The following RYR2 variants were observed in gnomAD, a reference collection of about 807,000 sequenced individuals.
RYR2 encodes cardiac muscle ryanodine receptor-calcium release channel.
RYR2 carries 227 observed loss-of-function variants against 601.1 expected under a neutral mutation model. The ratio of observed to expected loss-of-function variants is 0.38; its 90% confidence interval spans 0.34 to 0.42. The LOEUF is 0.42. Among genes scored for constraint, RYR2 ranks in the 10% least tolerant of loss-of-function variants. The pLI, the probability that RYR2 is intolerant of heterozygous loss-of-function variation, is 1.00. For missense variants in RYR2, 4,646 were observed against 6,156.5 expected, an observed-to-expected ratio of 0.75 and a Z score of 8.21; for synonymous variants, 2,223 against 2,175.1, an observed-to-expected ratio of 1.02 and a Z score of -0.61.
rs746033209 is a variant in RYR2 at position 237,208,960 on chromosome 1, A to G, written c.49-61537A>G. 3.3e-3 allele frequency among the ~76,000 whole-genome samples: 335 copies of G among 103,006 alleles called. 9 individuals are homozygous for G. The highest frequency in any genetic ancestry group is 4.5e-3 in the Middle Eastern group (1 of 220). 67.6% of individuals were successfully genotyped at this position (103,006 alleles called of 152,430 possible). A position where few individuals can be genotyped will look rare whatever the true frequency, so the allele number is the denominator to read the frequency against. ...TGTATATATATATATATATATATAT[A>G]TATATATATATATATATATATATAT... On this transcript the variant is annotated intron_variant, in intron 1 of 104. Coordinates refer to ENST00000366574, the MANE Select transcript of RYR2 (RefSeq NM_001035.3).
At chr1:237,480,305 G>C (rs1455189845) in intron 17 of RYR2, among the ~76,000 whole-genome samples, 1 of 144,920 alleles carries the variant, frequency 6.9e-6, no homozygotes, top group Non-Finnish European at 1.5e-5. Context: ...TGTTGTCCCA[G>C]TTACTTGGGA....
At chr1:237,292,942 A>G (rs1457247743) in intron 2 of RYR2, among the ~76,000 whole-genome samples, 1 of 152,148 alleles carries the variant, frequency 6.6e-6, no homozygotes, top group Non-Finnish European at 1.5e-5. Context: ...CATTTGCATA[A>G]AACTTATGCT....
chr1:237,602,369 A>G (rs1676601338), intron 35 of RYR2, among the ~76,000 whole-genome samples: 1 of 152,292 alleles, frequency 6.6e-6, no homozygotes, highest in East Asian at 1.9e-4. Context: ...GATTACACAC[A>G]TTGCAGCAGT....
intron 38 of RYR2, among the ~76,000 whole-genome samples, chr1:237,618,625 A>C (rs1379686058): frequency 6.6e-6 from 1 of 152,206 alleles, no homozygotes; most frequent in African/African-American, 2.4e-5. Context: ...ATAAAGGATC[A>C]GGGAAGGGGC....
intron 1 of RYR2, among the ~76,000 whole-genome samples, chr1:237,200,405 C>G (rs936136917): frequency 5.3e-5 from 8 of 152,048 alleles, no homozygotes; most frequent in African/African-American, 1.9e-4. Context: ...GCTGGGATTA[C>G]AGGCGCCCAC....
chr1:237,044,237 G>C (rs1325906769), intron 1 of RYR2, among the ~76,000 whole-genome samples: 1 of 151,716 alleles, frequency 6.6e-6, no homozygotes, highest in African/African-American at 2.4e-5. Flanking sequence ...TCAAAACTAA[G>C]GACTATTTTA....
chr1:237,510,143 G>A (rs922924474), intron 23 of RYR2, among the ~76,000 whole-genome samples: 1 of 152,214 alleles, frequency 6.6e-6, no homozygotes. Flanking sequence ...CAGAGAGCCT[G>A]GAGGCAGGAA....
chr1:237,560,862 G>A (rs951887023), intron 27 of RYR2, among the ~76,000 whole-genome samples: 10 of 152,174 alleles, frequency 6.6e-5, no homozygotes, highest in African/African-American at 2.4e-4. Context: ...AAACATTGTG[G>A]AGAAACATTG....
intron 10 of RYR2, among the ~76,000 whole-genome samples, chr1:237,407,870 C>G (rs1050616186): frequency 6.6e-6 from 1 of 152,088 alleles, no homozygotes; most frequent in South Asian, 2.1e-4. Context: ...CCTGCCTCGG[C>G]CTCCCAAAGT....
intron 2 of RYR2, among the ~76,000 whole-genome samples, chr1:237,302,975 C>T (rs1349810798): frequency 6.6e-6 from 1 of 152,154 alleles, no homozygotes; most frequent in Non-Finnish European, 1.5e-5. Flanking sequence ...CCCATTCTTA[C>T]ATCTGCACTG....
chr1:237,449,796 T>C (rs994392672), intron 14 of RYR2, among the ~76,000 whole-genome samples: 2 of 152,066 alleles, frequency 1.3e-5, no homozygotes, highest in African/African-American at 4.8e-5. Flanking sequence ...TTACTCCCTA[T>C]TGATGATTGT....
intron 29 of RYR2, among the ~76,000 whole-genome samples, chr1:237,573,863 C>G (rs895328422): frequency 1.6e-4 from 24 of 151,900 alleles, no homozygotes; most frequent in Admixed American, 1.2e-3. Context: ...TAAGGGGCTG[C>G]AGACCTCTTC....
rs551646868 is a variant in RYR2, at chr1:237,569,917, G to A, written c.3598+598G>A. Among the ~76,000 whole-genome samples the A allele has an allele frequency of 5.0e-4, 76 of 152,250 alleles. No homozygotes were observed. In the South Asian group the frequency reaches 5.2e-3, roughly 10 times the overall value. On this transcript the variant is annotated intron_variant, in intron 29 of 104. Transcript: ENST00000366574. The stretch of plus-strand genomic sequence containing the variant: ...GGCCCCGAGATGGCCTTTGAGCAGA[G>A]TTGTAAAGATGGAGGGTGGGCCGGG...
At chr1:237,593,296 G>A (rs963091124) in intron 32 of RYR2, among the ~76,000 whole-genome samples, 180 bp from the exon 33 acceptor site, 13 of 152,064 alleles carry the variant, frequency 8.5e-5, no homozygotes, top group Non-Finnish European at 1.9e-4. Context: ...GGTAAAAGAC[G>A]TTTCTTAGTT....
chr1:237,421,835 C>T (rs899076682), intron 11 of RYR2, among the ~76,000 whole-genome samples: 6 of 152,036 alleles, frequency 3.9e-5, no homozygotes, highest in African/African-American at 1.4e-4. Flanking sequence ...TGAAGCTTTA[C>T]AACATTCATT....
At chr1:237,566,252 C>T (rs1401221016) in intron 27 of RYR2, among the ~76,000 whole-genome samples, 1 of 152,088 alleles carries the variant, frequency 6.6e-6, no homozygotes, top group Non-Finnish European at 1.5e-5. Context: ...AACCAAAGCA[C>T]CAAGGCACTT....
chr1:237,669,328 T>TC (rs914962109), intron 58 of RYR2, among the ~76,000 whole-genome samples: 8 of 151,970 alleles, frequency 5.3e-5, no homozygotes, highest in African/African-American at 1.2e-4. Context: ...TCCCCACCTT[T>TC]CCCCCCTCTC....
chr1:237,322,821 CGTG>C (rs1397004444), intron 2 of RYR2, among the ~76,000 whole-genome samples: 3 of 143,112 alleles, frequency 2.1e-5, no homozygotes, highest in Admixed American at 6.9e-5. Context: ...AACACACACA[CGTG>C]TGTGTGTGTG....
At chr1:237,724,101 G>C (rs974467887) in intron 74 of RYR2, among the ~76,000 whole-genome samples, 2 of 149,820 alleles carry the variant, frequency 1.3e-5, no homozygotes, top group East Asian at 2.0e-4. Context: ...TGATGACTTG[G>C]TTATTTTATA....
Sources: allele counts gnomAD v4.1 joint callset (sites outside exome capture counted in the v4.1 genomes callset), GRCh38; gene constraint gnomAD v4.1.1; transcripts MANE v1.5; gene names NCBI Gene and HGNC (gene_info 2026-07-23, HGNC 2026-07-21).